Variants in LRP1B observed in about 807,000 individuals in gnomAD.
LRP1B encodes LDL receptor related protein 1B.
In LRP1B, 217 loss-of-function variants were observed where a neutral mutation model predicts 556.6. The observed-to-expected ratio is 0.39, with a 90% CI of 0.35 to 0.44. The LOEUF (loss-of-function observed/expected upper bound fraction) is 0.44. Ranked by LOEUF, LRP1B falls within the 20% of genes least tolerant of loss-of-function variation. The pLI, the probability that LRP1B is intolerant of heterozygous loss-of-function variation, is 1.00. For missense variants in LRP1B, 5,053 were observed against 5,620.8 expected (o/e 0.90, Z 3.23); for synonymous variants, 2,047 against 1,865.8 (o/e 1.10, Z -2.50).
rs35543111 is a variant in LRP1B, at chr2:141,142,921, C to CTTTTTT, written c.1013+45494_1013+45499dup. Among the ~76,000 whole-genome samples, 48 of 101,424 alleles carry CTTTTTT rather than the reference C, an allele frequency of 4.7e-4. 1 individual carries two copies. The highest frequency in any genetic ancestry group is 1.5e-3 in the African/African-American group (39 of 25,208). The allele number at this position is 101,424 out of a possible 152,430, so 66.5% of individuals were successfully genotyped here. On this transcript the variant is annotated intron_variant, in intron 7 of 90. Coordinates refer to ENST00000389484, the MANE Select transcript of LRP1B (RefSeq NM_018557.3). ...AACAGATTAACAAATTGTCTGATTA[C>CTTTTTT]TTTTTTTTTTTTTTTTTTTTTTGAG...
chr2:141,434,209 G>C (rs12104594), intron 3 of LRP1B, among the ~76,000 whole-genome samples: 4,929 of 152,116 alleles, frequency 0.032, 263 homozygotes, highest in African/African-American at 0.11. Context: ...CTCACCTTCT[G>C]CTATTCTATT....
At chr2:141,212,053 T>C (rs1682577080) in intron 6 of LRP1B, among the ~76,000 whole-genome samples, 1 of 152,060 alleles carries the variant, frequency 6.6e-6, no homozygotes, top group African/African-American at 2.4e-5. Context: ...TAATAAAACA[T>C]GTATTTGCTT....
intron 77 of LRP1B, among the ~76,000 whole-genome samples, 168 bp from the exon 78 acceptor site, chr2:140,336,006 T>C (rs1681072159): frequency 6.6e-6 from 1 of 152,052 alleles, no homozygotes; most frequent in African/African-American, 2.4e-5. Flanking sequence ...TTTGCAGATG[T>C]ATTATCTGCA....
intron 35 of LRP1B, among the ~76,000 whole-genome samples, chr2:140,748,873 A>G (rs1307162049): frequency 7.7e-6 from 1 of 129,106 alleles, no homozygotes; most frequent in Non-Finnish European, 1.7e-5. Flanking sequence ...ACACACACAC[A>G]GAGTCATGCA....
At chr2:141,815,005 C>A (rs1265857821) in intron 1 of LRP1B, among the ~76,000 whole-genome samples, 3 of 152,034 alleles carry the variant, frequency 2.0e-5, no homozygotes, top group African/African-American at 7.2e-5. Context: ...ATTCTGATAA[C>A]TGAATCACTC....
In LRP1B at chr2:141,414,246, A is replaced by AAAAAAAAAAGAAAAG. The variant is rs1553511548; in HGVS notation, c.343+66149_343+66150insCTTTTCTTTTTTTTT. ...GAGTGAGACTCTATCTCAAAAAAAA[A>AAAAAAAAAAGAAAAG]AAAAAAAGAAAAAGGAAGGAAGGAG... On this transcript the variant is annotated intron_variant, in intron 3 of 90. Coordinates refer to ENST00000389484, the MANE Select transcript of LRP1B (RefSeq NM_018557.3). Among the ~76,000 whole-genome samples the AAAAAAAAAAGAAAAG allele has an allele frequency of 4.6e-3, 673 of 147,870 alleles. 8 individuals are homozygous for AAAAAAAAAAGAAAAG. Among genetic ancestry groups the AAAAAAAAAAGAAAAG allele is most frequent in the African/African-American group, 0.016 (639 of 38,758 alleles).
At chr2:140,345,821 TATATAC>T (rs1237862898) in intron 77 of LRP1B, among the ~76,000 whole-genome samples, 1 of 141,126 alleles carries the variant, frequency 7.1e-6, no homozygotes, top group Non-Finnish European at 1.5e-5. Flanking sequence ...TATATATACA[TATATAC>T]ATATATATAT....
chr2:141,395,152 TAC>T (rs1393491116), intron 3 of LRP1B, among the ~76,000 whole-genome samples: 1 of 152,132 alleles, frequency 6.6e-6, no homozygotes, highest in Non-Finnish European at 1.5e-5. Flanking sequence ...AGTGTAAGTG[TAC>T]AGTGTTTATA....
intron 1 of LRP1B, among the ~76,000 whole-genome samples, chr2:141,993,424 A>T (rs1361614202): frequency 2.4e-5 from 1 of 41,974 alleles, no homozygotes. Context: ...CACTAGGAGC[A>T]GGAAATTTTT....
At chr2:142,116,573 T>A (rs1408974495) in intron 1 of LRP1B, among the ~76,000 whole-genome samples, 1 of 152,086 alleles carries the variant, frequency 6.6e-6, no homozygotes, top group Admixed American at 6.6e-5. Flanking sequence ...AAAATATGAA[T>A]AAAATCTATA....
intron 37 of LRP1B, among the ~76,000 whole-genome samples, chr2:140,715,650 T>C (rs1448047208): frequency 1.3e-5 from 2 of 152,092 alleles, no homozygotes; most frequent in Non-Finnish European, 2.9e-5. Context: ...GGCTATCAAA[T>C]GGCTATTTTA....
intron 1 of LRP1B, among the ~76,000 whole-genome samples, chr2:142,045,713 G>A (rs1704234870): frequency 6.6e-6 from 1 of 151,736 alleles, no homozygotes; most frequent in South Asian, 2.1e-4. Flanking sequence ...ATCTTTTAAA[G>A]AACCATGCAA....
chr2:141,855,304 C>G (rs568755998), intron 1 of LRP1B, among the ~76,000 whole-genome samples: 2 of 152,076 alleles, frequency 1.3e-5, no homozygotes, highest in Non-Finnish European at 2.9e-5. Context: ...TGAATCTTCT[C>G]TGTTAGCCCC....
intron 83 of LRP1B, among the ~76,000 whole-genome samples, chr2:140,305,580 C>T (rs1231106225): frequency 6.6e-6 from 1 of 152,124 alleles, no homozygotes; most frequent in African/African-American, 2.4e-5. Context: ...TCTAAATATG[C>T]AATCATGTTA....
At chr2:141,945,889 G>A (rs984214359) in intron 1 of LRP1B, among the ~76,000 whole-genome samples, 6 of 151,974 alleles carry the variant, frequency 3.9e-5, no homozygotes, top group Admixed American at 2.0e-4. Flanking sequence ...CAGCCAATTC[G>A]AATCCTTGCT....
chr2:140,871,034 AG>A (rs1335274288), intron 25 of LRP1B, among the ~76,000 whole-genome samples: 3 of 152,196 alleles, frequency 2.0e-5, no homozygotes, highest in Admixed American at 1.3e-4. Flanking sequence ...CAAAAAGGGA[AG>A]AAAGATGAGA....
At chr2:140,948,826 T>A (rs931729271) in intron 20 of LRP1B, among the ~76,000 whole-genome samples, 24 of 151,588 alleles carry the variant, frequency 1.6e-4, no homozygotes, top group African/African-American at 4.6e-4. Context: ...CCAGGTAAAT[T>A]AAAAAATCAC....
At chr2:142,044,476 G>T (rs1260834795) in intron 1 of LRP1B, among the ~76,000 whole-genome samples, 1 of 151,782 alleles carries the variant, frequency 6.6e-6, no homozygotes, top group Non-Finnish European at 1.5e-5. Context: ...AGAGCAGAAA[G>T]ATGAGCGCAC....
At chr2:140,259,146 A>G (rs1177704902) in intron 86 of LRP1B, among the ~76,000 whole-genome samples, 3 of 152,180 alleles carry the variant, frequency 2.0e-5, no homozygotes, top group African/African-American at 7.2e-5. Context: ...ACACCACTCA[A>G]ATGCCTGAAG....
Sources: gnomAD v4.1 joint callset for allele counts (sites outside exome capture counted in the v4.1 genomes callset) on GRCh38, gnomAD v4.1.1 for gene constraint, MANE v1.5 for transcripts, NCBI Gene and HGNC (gene_info 2026-07-23, HGNC 2026-07-21) for gene names.